MOV10: variants seen among roughly 807,000 people sequenced by gnomAD.
MOV10 encodes RNA helicase MOV-10.
Under a neutral mutation model 108.4 loss-of-function variants are expected in MOV10, and 39 were observed. The observed-to-expected ratio is 0.36, with a 90% CI of 0.28 to 0.47. MOV10 has a LOEUF of 0.47. Among genes scored for constraint, MOV10 ranks in the 20% least tolerant of loss-of-function variants. The pLI is 1.00. For synonymous variants in MOV10, 490 were observed against 523.1 expected, an observed-to-expected ratio of 0.94 and a Z score of 0.86; for missense variants, 952 against 1,297.6, an observed-to-expected ratio of 0.73 and a Z score of 4.09.
intron 19 of MOV10, 72 bp downstream of exon 19, chr1:112,700,054 G>A: frequency 1.3e-6 from 2 of 1,596,114 alleles, no homozygotes; most frequent in Non-Finnish European, 1.7e-6. Context: ...TCTTTTTTAA[G>A]CGCTTGCTTA....
intron 2 of MOV10, 133 bp from the exon 3 acceptor site, chr1:112,688,802 G>A (rs1388218237): frequency 6.6e-7 from 1 of 1,504,294 alleles, no homozygotes; most frequent in Non-Finnish European, 8.9e-7. Flanking sequence ...TCTGTCTCTG[G>A]GCCCCATCCT....
chr1:112,678,921 C>T lies in MOV10; in HGVS notation c.137+3872C>T, dbSNP rs187512100. Among the ~76,000 whole-genome samples, 620 of 152,128 alleles carry T rather than the reference C, an allele frequency of 4.1e-3. 8 individuals are homozygous for T. The highest frequency in any genetic ancestry group is 0.014 in the African/African-American group (598 of 41,404). On this transcript the variant is annotated intron_variant, in intron 2 of 20. Coordinates refer to ENST00000369645, the MANE Select transcript of MOV10 (RefSeq NM_001321324.2). ...ACATTTTACTTTGGGACCTGGCATACACAACCTTCACAAAACAATGCCTGC... is the reference window on the plus strand; with the variant it reads ...ACATTTTACTTTGGGACCTGGCATATACAACCTTCACAAAACAATGCCTGC...
chr1:112,694,408 C>T lies in MOV10; in HGVS notation c.1296-45C>T. ...GAAAGTTCTGGCCCTTTATTGCCCA[C>T]CTCCCCTGCCCCAACAAACTCTTAC... On this transcript the variant is annotated intron_variant, in intron 8 of 20. Transcript: ENST00000369645. This position sits in a 1 kb window ranked among gnomAD's most constrained non-coding sequence, Gnocchi z 4.1. 1 of 1,610,980 alleles carries T rather than the reference C, an allele frequency of 6.2e-7. No individual in the cohort carries two copies. The highest frequency in any genetic ancestry group is 8.5e-7 in the Non-Finnish European group (1 of 1,178,326).
Position 112,697,983 on chromosome 1 carries a change from C to A in MOV10, c.2199-11C>A. Reference sequence around the variant, plus strand: ...ACCCTTGGTCTTGCTTTTCCTCCTCCGGCCTCCCAGGTCTCATCCCACCAT... The same window carrying A: ...ACCCTTGGTCTTGCTTTTCCTCCTCAGGCCTCCCAGGTCTCATCCCACCAT... On this transcript the variant is annotated splice_polypyrimidine_tract_variant and intron_variant, in intron 14 of 20. Coordinates refer to ENST00000369645, the MANE Select transcript of MOV10 (RefSeq NM_001321324.2). The A allele has an allele frequency of 1.2e-6, 2 of 1,610,078 alleles. No individual in the cohort carries two copies. Among genetic ancestry groups the A allele is most frequent in the Non-Finnish European group, 1.7e-6 (2 of 1,176,292 alleles).
rs749924866 is a variant in MOV10 at position 112,689,138 on chromosome 1, GGT to G, written c.341+11_341+12del. On this transcript the variant is annotated splice_donor_variant, in intron 3 of 20. Transcript: ENST00000369645. LOFTEE classifies it high-confidence loss of function. ...CTGCTAGCCAAGATCTTTTATGACA[GGT>G]GTGTGTGTGTTGTATGTTGTGTGTA... 1.9e-5 allele frequency: 30 copies of G among 1,591,592 alleles called. No homozygotes were observed. Among genetic ancestry groups the G allele is most frequent in the South Asian group, 3.4e-5 (3 of 88,906 alleles).
chr1:112,695,754 TG>T (rs1557768398), intron 11 of MOV10, among the ~76,000 whole-genome samples, 180 bp downstream of exon 11: 1 of 144,686 alleles, frequency 6.9e-6, no homozygotes, highest in East Asian at 2.2e-4. Flanking sequence ...ATAAAACATT[TG>T]GGGGGCTGGG....
intron 3 of MOV10, 29 bp downstream of exon 3, chr1:112,689,167 G>A (rs780768199): frequency 1.2e-5 from 18 of 1,564,086 alleles, no homozygotes; most frequent in Middle Eastern, 2.3e-4. Context: ...TTGTGTGTAC[G>A]GGGAGGTCTG....
chr1:112,684,142 G>A (rs1293672869), intron 2 of MOV10, among the ~76,000 whole-genome samples: 24 of 151,270 alleles, frequency 1.6e-4, no homozygotes, highest in Admixed American at 1.6e-3. Flanking sequence ...TCTTTGTAGA[G>A]ACAGGGACCT....
Position 112,691,793 on chromosome 1 carries a change from A to C in MOV10, c.965A>C (p.Glu322Ala), listed in dbSNP as rs144607229. The part of the protein sequence containing the change: ...SIFTAPKEIA[E>A]IKAQLETALK... ...TTCACTGCCCCTAAGGAGATCGCAG[A>C]GATCAAGTAAGTACCATCCCTCTGC... The change falls in exon 6 of 21, where the codon GAG becomes GCG. Residue 322 changes from glutamate (E) to alanine (A), a missense_variant. This residue lies in a region of MOV10 where 374 missense variants were observed against 468.6 expected (regional missense o/e 0.80). Coordinates refer to ENST00000369645, the MANE Select transcript of MOV10 (RefSeq NM_001321324.2). 2 of 1,613,470 alleles carry C rather than the reference A, an allele frequency of 1.2e-6. No homozygotes were observed. Among genetic ancestry groups the C allele is most frequent in the Non-Finnish European group, 1.7e-6 (2 of 1,179,590 alleles).
chr1:112,695,287 G>T, intron 10 of MOV10, 129 bp from the exon 11 acceptor site: 1 of 896,802 alleles, frequency 1.1e-6, no homozygotes. Context: ...ACTGTTGTAC[G>T]GGTAGGGCAC....
intron 2 of MOV10, among the ~76,000 whole-genome samples, chr1:112,688,047 T>C (rs1327155612): frequency 6.6e-6 from 1 of 152,118 alleles, no homozygotes; most frequent in Admixed American, 6.5e-5. Context: ...ACACCTCCTC[T>C]GCCCCCAGAC....
chr1:112,684,799 T>A (rs780416529), intron 2 of MOV10, among the ~76,000 whole-genome samples: 3 of 152,224 alleles, frequency 2.0e-5, no homozygotes, highest in Non-Finnish European at 4.4e-5. Flanking sequence ...TTTGGAGCAG[T>A]TTTTCATACT....
At chr1:112,699,856 C>T (rs375397963) in intron 18 of MOV10, 38 bp from the exon 19 acceptor site, 511 of 1,613,866 alleles carry the variant, frequency 3.2e-4, no homozygotes, top group Non-Finnish European at 4.2e-4. Context: ...ATTCTCGGGG[C>T]TCTTCCCTCC....
At chr1:112,692,646 T>G in intron 6 of MOV10, 115 bp from the exon 7 acceptor site, 1 of 1,385,622 alleles carries the variant, frequency 7.2e-7, no homozygotes, top group Non-Finnish European at 9.7e-7. Flanking sequence ...CTTCTCTGCT[T>G]TTTGACGCTA....
chr1:112,682,084 G>A lies in MOV10; in HGVS notation c.138-6851G>A, dbSNP rs533060906. On this transcript the variant is annotated intron_variant, in intron 2 of 20. Coordinates refer to ENST00000369645, the MANE Select transcript of MOV10 (RefSeq NM_001321324.2). ...CTAATTTTTTGTATTTAGTAGAGACGGGGTTTCACCATGTTGGCCAGGCTG... is the reference window on the plus strand; with the variant it reads ...CTAATTTTTTGTATTTAGTAGAGACAGGGTTTCACCATGTTGGCCAGGCTG... 6.6e-5 allele frequency among the ~76,000 whole-genome samples: 10 copies of A among 152,156 alleles called. No homozygotes were observed. The East Asian group carries it at 1.4e-3, about 21-fold the overall frequency.
chr1:112,691,548 C>A, intron 5 of MOV10, 117 bp from the exon 6 acceptor site: 1 of 1,336,600 alleles, frequency 7.5e-7, no homozygotes, highest in South Asian at 1.4e-5. Context: ...AGCGAGGCTG[C>A]TGACTTCCCT....
rs1443366541 is a variant in MOV10, at chr1:112,689,913, G to A, written c.651G>A (p.Glu217=). ...VGYFPATVLW[E]LLGPGESGSE... The stretch of plus-strand genomic sequence containing the variant: ...ACTTCCCAGCCACAGTGCTCTGGGA[G>A]CTGCTGGGACCTGGGGAGTCGGGTT... The change falls in exon 5 of 21, where the codon GAG becomes GAA. Residue 217 remains glutamate, a synonymous_variant. Coordinates refer to ENST00000369645, the MANE Select transcript of MOV10 (RefSeq NM_001321324.2). 6.2e-7 allele frequency: 1 copy of A among 1,614,222 alleles called. No homozygotes were observed. The highest frequency in any genetic ancestry group is 8.5e-7 in the Non-Finnish European group (1 of 1,180,038).
In MOV10 at chr1:112,698,455, G is replaced by A. The variant is rs376504097; in HGVS notation, c.2485G>A (p.Val829Ile). The A allele has an allele frequency of 6.2e-5, 100 of 1,613,900 alleles. No individual in the cohort carries two copies. Among genetic ancestry groups the A allele is most frequent in the Non-Finnish European group, 8.1e-5 (95 of 1,179,996 alleles). Reference protein sequence around the residue: ...KARLSPRSVGVISPYRKQVEK... With the variant: ...KARLSPRSVGIISPYRKQVEK... ...TCGCCTGAGCCCTCGAAGTGTGGGC[G>A]TCATCTCCCCGTACCGGAAACAGGT... The change falls in exon 16 of 21, where the codon GTC becomes ATC. Residue 829 changes from valine to isoleucine, a missense_variant. Around this residue, in one of 5 missense-constraint regions of MOV10, gnomAD observed 453 missense variants for 611.5 expected, o/e 0.74. Coordinates refer to ENST00000369645, the MANE Select transcript of MOV10 (RefSeq NM_001321324.2).
intron 1 of MOV10, 31 bp downstream of exon 1, chr1:112,674,760 T>G: frequency 1.5e-6 from 1 of 671,238 alleles, no homozygotes. Context: ...GGAAGCCTGG[T>G]GGGGAGAAGG....
Sources: gnomAD v4.1 joint callset for allele counts (sites outside exome capture counted in the v4.1 genomes callset) on GRCh38, gnomAD v4.1.1 for gene constraint, gnomAD v4.1.1 regional missense constraint, Gnocchi (gnomAD v3.1) non-coding constraint, MANE v1.5 for transcripts, NCBI Gene and HGNC (gene_info 2026-07-23, HGNC 2026-07-21) for gene names.